The following PDE11A variants were observed in gnomAD, a reference collection of about 807,000 sequenced individuals.
The protein encoded by PDE11A is phosphodiesterase 11A.
PDE11A carries 100 observed loss-of-function variants against 100.5 expected under a neutral mutation model. That is an observed-to-expected ratio of 1.00 (90% CI 0.85 to 1.18). The LOEUF (loss-of-function observed/expected upper bound fraction) is 1.18. PDE11A is among the 50% of genes most tolerant of loss of function. The pLI is 0.00. For synonymous variants in PDE11A, 381 were observed against 420.8 expected, an observed-to-expected ratio of 0.91 and a Z score of 1.16; for missense variants, 1,141 against 1,152.6, an observed-to-expected ratio of 0.99 and a Z score of 0.15.
At chr2:177,828,186 C>A (rs2083257009) in intron 6 of PDE11A, among the ~76,000 whole-genome samples, 1 of 152,022 alleles carries the variant, frequency 6.6e-6, no homozygotes, top group Non-Finnish European at 1.5e-5. Context: ...AAAGCTCTAA[C>A]CTTTCCATCT....
chr2:177,876,279 G>GTCTT lies in PDE11A; in HGVS notation c.1303-357_1303-356insAAGA, dbSNP rs1231630039. Among the ~76,000 whole-genome samples, 611 of 150,642 alleles carry GTCTT rather than the reference G, an allele frequency of 4.1e-3. 22 individuals are homozygous for GTCTT. Among genetic ancestry groups the GTCTT allele is most frequent in the African/African-American group, 0.014 (557 of 40,438 alleles). On this transcript the variant is annotated intron_variant, in intron 4 of 19. Coordinates refer to ENST00000286063, the MANE Select transcript of PDE11A (RefSeq NM_016953.4). ...CCAATCAACAGCAATAAGAGACCCA[G>GTCTT]GTAGGGACAGAACACCCCTCAAAGA...
intron 19 of PDE11A, among the ~76,000 whole-genome samples, chr2:177,660,200 G>A (rs2080465145): frequency 6.6e-6 from 1 of 150,466 alleles, no homozygotes; most frequent in Non-Finnish European, 1.5e-5. Flanking sequence ...TTAAGGAAAA[G>A]TCTGAAGATT....
rs757340706 is a variant in PDE11A at position 177,816,812 on chromosome 2, A to G, written c.1737+17T>C. Reference sequence around the variant, plus strand: ...AGAGCTGACAGCATACAAACCTGACATAAACACTGTACTTACATCAAGAGC... The same window carrying G: ...AGAGCTGACAGCATACAAACCTGACGTAAACACTGTACTTACATCAAGAGC... On this transcript the variant is annotated intron_variant, in intron 9 of 19. Coordinates refer to ENST00000286063, the MANE Select transcript of PDE11A (RefSeq NM_016953.4). 4.2e-6 allele frequency: 6 copies of G among 1,436,866 alleles called. No homozygotes were observed. Among genetic ancestry groups the G allele is most frequent in the African/African-American group, 2.8e-5 (2 of 71,608 alleles). 89.0% of individuals were successfully genotyped at this position (1,436,866 alleles called of 1,614,324 possible). A position where few individuals can be genotyped will look rare whatever the true frequency, so the allele number is the denominator to read the frequency against.
Position 177,898,123 on chromosome 2 carries a change from G to A in PDE11A, c.1237C>T (p.Arg413Trp), listed in dbSNP as rs779083062. ...TCACATTTCAGCAGAGTTTGGGCCC[G>A]ATGCATTATTTTCTTGACAATTTTC... ...LEKIVKKIMH[R>W]AQTLLKCERC... The change falls in exon 4 of 20, where the codon CGG becomes TGG. Residue 413 changes from arginine to tryptophan, a missense_variant. Coordinates refer to ENST00000286063, the MANE Select transcript of PDE11A (RefSeq NM_016953.4). The A allele has an allele frequency of 3.7e-6, 6 of 1,610,658 alleles. No individual in the cohort carries two copies. The highest frequency in any genetic ancestry group is 2.2e-5 in the South Asian group (2 of 91,012).
intron 2 of PDE11A, among the ~76,000 whole-genome samples, chr2:177,968,782 G>C (rs1430878682): frequency 1.3e-5 from 2 of 152,198 alleles, no homozygotes; most frequent in African/African-American, 4.8e-5. Context: ...ATGCTGGCGA[G>C]GATATGGAGA....
chr2:178,094,374 GA>G (rs1397839762), intron 2 of PDE11A, among the ~76,000 whole-genome samples: 1 of 149,742 alleles, frequency 6.7e-6, no homozygotes, highest in African/African-American at 2.5e-5. Context: ...ACAAAAAATA[GA>G]AAAAAAAATG....
intron 2 of PDE11A, among the ~76,000 whole-genome samples, chr2:178,008,051 G>T (rs558064115): frequency 6.6e-6 from 1 of 152,094 alleles, no homozygotes; most frequent in East Asian, 1.9e-4. Context: ...TAACTTAGTT[G>T]AAATGTAGGC....
At chr2:177,688,881 T>A (rs2080998134) in intron 15 of PDE11A, among the ~76,000 whole-genome samples, 1 of 152,248 alleles carries the variant, frequency 6.6e-6, no homozygotes, top group Non-Finnish European at 1.5e-5. Context: ...ATCTTTTATT[T>A]GTAAAGTGAG....
intron 2 of PDE11A, chr2:177,953,369 A>G (rs1248803827): frequency 1.3e-5 from 2 of 152,220 alleles, no homozygotes; most frequent in Admixed American, 1.3e-4. Context: ...CACTTTCATC[A>G]TAATATATTC....
At chr2:177,737,449 A>ACACACACAC (rs55844103) in intron 10 of PDE11A, among the ~76,000 whole-genome samples, 20 of 148,106 alleles carry the variant, frequency 1.4e-4, no homozygotes, top group South Asian at 4.5e-4. Context: ...ACACACACAC[A>ACACACACAC]AATTAGCCAG....
chr2:177,795,975 A>ATATATATATATATATATC (rs1432005488), intron 9 of PDE11A, among the ~76,000 whole-genome samples: 1 of 136,262 alleles, frequency 7.3e-6, no homozygotes, highest in Non-Finnish European at 1.6e-5. Context: ...ATATATATAT[A>ATATATATATATATATATC]TCTTTGCTTT....
chr2:178,040,060 G>GC, intron 1 of PDE11A, among the ~76,000 whole-genome samples: 1 of 119,364 alleles, frequency 8.4e-6, no homozygotes, highest in East Asian at 2.7e-4. Flanking sequence ...CAATGTAGTG[G>GC]CTTTTTTTTT....
At chr2:177,919,101 C>CTTTTT (rs752351240) in intron 2 of PDE11A, among the ~76,000 whole-genome samples, 15 of 148,796 alleles carry the variant, frequency 1.0e-4, no homozygotes, top group East Asian at 4.1e-4. Flanking sequence ...GAAGATTTAA[C>CTTTTT]ATTTTTTTTT....
chr2:177,845,821 G>A (rs1323090314), intron 5 of PDE11A, among the ~76,000 whole-genome samples: 1 of 152,224 alleles, frequency 6.6e-6, no homozygotes, highest in African/African-American at 2.4e-5. Context: ...TTGCGGTTAG[G>A]GGCTGGAGAC....
chr2:178,010,807 C>A (rs189554892), intron 2 of PDE11A, among the ~76,000 whole-genome samples: 2 of 152,116 alleles, frequency 1.3e-5, no homozygotes, highest in Non-Finnish European at 2.9e-5. Flanking sequence ...ACGTAGAATG[C>A]AAATTAGTAC....
At chr2:177,932,019 G>A (rs1192838796) in intron 2 of PDE11A, among the ~76,000 whole-genome samples, 1 of 151,578 alleles carries the variant, frequency 6.6e-6, no homozygotes. Context: ...AAGATCCTCA[G>A]AGATGATTAC....
chr2:177,685,289 A>G (rs935672977), intron 15 of PDE11A, among the ~76,000 whole-genome samples: 4 of 152,226 alleles, frequency 2.6e-5, no homozygotes, highest in African/African-American at 9.6e-5. Flanking sequence ...AGATTGAGGT[A>G]AGTAAACAAC....
chr2:178,101,739 G>A (rs1042574430), intron 2 of PDE11A, among the ~76,000 whole-genome samples: 2 of 152,142 alleles, frequency 1.3e-5, no homozygotes, highest in African/African-American at 4.8e-5. Flanking sequence ...CAAGGTTTTA[G>A]AGGTTCCTTG....
rs1334883952 is a variant in PDE11A, at chr2:178,054,476, A to T, written c.912+17050T>A. On this transcript the variant is annotated intron_variant, in intron 1 of 19. Transcript: ENST00000286063. The stretch of plus-strand genomic sequence containing the variant: ...GTCTAAAATACCAAAAGCAATGGTA[A>T]CAAAAGCCAAAATTGACAGATAGGA... Among the ~76,000 whole-genome samples, 8 of 152,254 alleles carry T rather than the reference A, an allele frequency of 5.3e-5. 1 individual carries two copies. In the East Asian group the frequency reaches 1.5e-3, roughly 29 times the overall value.
Sources: gnomAD v4.1 joint callset for allele counts (sites outside exome capture counted in the v4.1 genomes callset) on GRCh38, gnomAD v4.1.1 for gene constraint, MANE v1.5 for transcripts, NCBI Gene and HGNC (gene_info 2026-07-23, HGNC 2026-07-21) for gene names.